KANK1: variants seen among roughly 807,000 people sequenced by gnomAD.
KANK1 encodes the protein KN motif and ankyrin repeat domains 1.
Under a neutral mutation model 106.2 loss-of-function variants are expected in KANK1, and 109 were observed. The ratio of observed to expected loss-of-function variants is 1.03; its 90% CI spans 0.88 to 1.20. The LOEUF (loss-of-function observed/expected upper bound fraction) is 1.20. Ranked by LOEUF, KANK1 falls within the 50% of genes most tolerant of loss-of-function variation. KANK1 has a pLI of 0.00. For synonymous variants in KANK1, 873 were observed against 652.2 expected, an observed-to-expected ratio of 1.34 and a Z score of -5.16; for missense variants, 2,399 against 1,710.7, an observed-to-expected ratio of 1.40 and a Z score of -7.10.
At chr9:543,039 A>G (rs1000637832) in intron 1 of KANK1, among the ~76,000 whole-genome samples, 3 of 152,250 alleles carry the variant, frequency 2.0e-5, no homozygotes, top group African/African-American at 4.8e-5. Flanking sequence ...TGTTCTCACC[A>G]CAAATAAGTG....
At chr9:538,959 C>T (rs995132678) in intron 1 of KANK1, among the ~76,000 whole-genome samples, 2 of 152,174 alleles carry the variant, frequency 1.3e-5, no homozygotes, top group Non-Finnish European at 2.9e-5. Flanking sequence ...CAGCTCACTG[C>T]AGCCTCCACC....
intron 1 of KANK1, among the ~76,000 whole-genome samples, chr9:667,741 TGTTTTG>T (rs1563955658): frequency 9.1e-6 from 1 of 109,878 alleles, no homozygotes. Context: ...AAGGTTTTTT[TGTTTTG>T]TTTTTTTTTT....
At chr9:670,710 C>A (rs1023965083) in intron 1 of KANK1, among the ~76,000 whole-genome samples, 1 of 152,096 alleles carries the variant, frequency 6.6e-6, no homozygotes, top group Admixed American at 6.6e-5. Context: ...CCTTTGTGTC[C>A]GGCTGTCCAC....
chr9:508,356 C>G (rs1465194740), intron 1 of KANK1, among the ~76,000 whole-genome samples: 1 of 151,728 alleles, frequency 6.6e-6, no homozygotes, highest in African/African-American at 2.4e-5. Context: ...AGGCTGGTCT[C>G]GAACTCCCGA....
chr9:617,176 A>C (rs551046115), intron 1 of KANK1, among the ~76,000 whole-genome samples: 1 of 152,056 alleles, frequency 6.6e-6, no homozygotes, highest in Non-Finnish European at 1.5e-5. Flanking sequence ...AGTTTATGGT[A>C]TATTTGAACT....
intron 1 of KANK1, among the ~76,000 whole-genome samples, chr9:509,095 A>G (rs958622723): frequency 2.0e-5 from 3 of 151,692 alleles, no homozygotes; most frequent in African/African-American, 7.3e-5. Flanking sequence ...ACAAAATATG[A>G]CCTATTTATT....
intron 3 of KANK1, among the ~76,000 whole-genome samples, chr9:720,674 A>T (rs1185821840): frequency 6.6e-6 from 1 of 152,140 alleles, no homozygotes; most frequent in Non-Finnish European, 1.5e-5. Context: ...GTTTTTCCTC[A>T]GAGACGGGGT....
chr9:745,284 T>C lies in KANK1; in HGVS notation c.*49T>C, dbSNP rs1369727516. ...TACATGCCACTATTAAGCTGCTAAT[T>C]GTTCCTGTTGGGGTGACAGATACTG... is the stretch of plus-strand genomic sequence containing the variant. On this transcript the variant is annotated 3_prime_UTR_variant, in exon 12 of 12. Coordinates refer to ENST00000382297, the MANE Select transcript of KANK1 (RefSeq NM_015158.5). 1.2e-6 allele frequency: 2 copies of C among 1,609,910 alleles called. No homozygotes were observed.
chr9:697,909 A>G (rs923471723), intron 2 of KANK1, among the ~76,000 whole-genome samples: 1 of 152,118 alleles, frequency 6.6e-6, no homozygotes, highest in African/African-American at 2.4e-5. Context: ...AGTTCTAGAT[A>G]TGTATTTATC....
chr9:640,555 G>C (rs999616919), intron 1 of KANK1, among the ~76,000 whole-genome samples: 1 of 151,922 alleles, frequency 6.6e-6, no homozygotes, highest in Non-Finnish European at 1.5e-5. Flanking sequence ...CTACCATCAT[G>C]CCCAGCTAAT....
At chr9:486,262 T>C (rs183588816) in intron 3 of KANK1, among the ~76,000 whole-genome samples, 2 of 152,304 alleles carry the variant, frequency 1.3e-5, no homozygotes, top group East Asian at 1.9e-4. Context: ...CCAGGATACA[T>C]AGGAGAAACT....
chr9:503,627 G>A (rs930726236), upstream of KANK1, among the ~76,000 whole-genome samples: 3 of 152,172 alleles, frequency 2.0e-5, no homozygotes, highest in Non-Finnish European at 2.9e-5. Flanking sequence ...GAGCTTGGGG[G>A]TGAGGGGAGG....
At position 519,941 on chromosome 9, in the gene KANK1, A is replaced by T. The variant is rs552724999; in HGVS notation, c.-84+15187A>T. Among the ~76,000 whole-genome samples the T allele has an allele frequency of 3.2e-4, 48 of 151,984 alleles. 1 individual carries two copies. The highest frequency in any genetic ancestry group is 1.1e-3 in the African/African-American group (44 of 41,230). ...TAAAAATGAAGTGGTTTCATTACTC[A>T]TATTAGTCTAGTTATGCTCAGTGAC... On this transcript the variant is annotated intron_variant, in intron 1 of 11. Transcript: ENST00000382297.
intron 1 of KANK1, among the ~76,000 whole-genome samples, chr9:606,592 T>C (rs979165862): frequency 8.1e-6 from 1 of 124,210 alleles, no homozygotes; most frequent in Non-Finnish European, 1.6e-5. Flanking sequence ...TATAAACCTA[T>C]AAAATATGTG....
intron 1 of KANK1, among the ~76,000 whole-genome samples, chr9:637,764 C>T (rs116742663): frequency 0.01 from 1,532 of 152,208 alleles, 34 homozygotes; most frequent in African/African-American, 0.035. Flanking sequence ...ATAGTGGGTA[C>T]TCAGAGTATT....
At chr9:613,861 G>T (rs1307698794) in intron 1 of KANK1, among the ~76,000 whole-genome samples, 1 of 152,152 alleles carries the variant, frequency 6.6e-6, no homozygotes, top group East Asian at 1.9e-4. Flanking sequence ...ATATGAGTGT[G>T]ACTGTCCTAA....
Position 644,861 on chromosome 9 carries a change from C to T in KANK1, c.-83-32029C>T, listed in dbSNP as rs1447446775. 2.0e-5 allele frequency among the ~76,000 whole-genome samples: 3 copies of T among 151,170 alleles called. 1 individual carries two copies. The highest frequency in any genetic ancestry group is 7.4e-5 in the African/African-American group (3 of 40,460). ...GCCTAGCAGGTGTGGTGGCTCACGC[C>T]TGTAATCCCAGCACTTCGGGAGGCC... On this transcript the variant is annotated intron_variant, in intron 1 of 11. Coordinates refer to ENST00000382297, the MANE Select transcript of KANK1 (RefSeq NM_015158.5).
At chr9:558,395 T>C (rs1056498009) in intron 1 of KANK1, among the ~76,000 whole-genome samples, 2 of 152,204 alleles carry the variant, frequency 1.3e-5, no homozygotes, top group Non-Finnish European at 2.9e-5. Context: ...CAGAGTTAGA[T>C]TCCTGTGAGC....
At chr9:615,217 T>G (rs559898428) in intron 1 of KANK1, among the ~76,000 whole-genome samples, 10 of 152,190 alleles carry the variant, frequency 6.6e-5, no homozygotes, top group Non-Finnish European at 1.5e-4. Context: ...ATTATAGTCT[T>G]GAGCTACCGC....
Sources: allele counts gnomAD v4.1 joint callset (sites outside exome capture counted in the v4.1 genomes callset), GRCh38; gene constraint gnomAD v4.1.1; transcripts MANE v1.5; gene names NCBI Gene and HGNC (gene_info 2026-07-23, HGNC 2026-07-21).